PITHD1: variants seen among roughly 807,000 people sequenced by gnomAD.
The protein encoded by PITHD1 is PITH domain-containing protein 1.
PITHD1 carries 8 observed loss-of-function variants against 27.5 expected under a neutral mutation model. The observed-to-expected ratio is 0.29, with a 90% CI of 0.17 to 0.52. The LOEUF is 0.52. Ranked by LOEUF, PITHD1 falls within the 20% of genes least tolerant of loss-of-function variation. PITHD1 has a pLI of 0.96. For synonymous variants in PITHD1, 118 were observed against 106.8 expected (o/e 1.10, Z -0.64); for missense variants, 233 against 283.9 (o/e 0.82, Z 1.29).
At chr1:23,783,319 A>ATATATATACACATATATGTG (rs1557467035) in intron 3 of PITHD1, among the ~76,000 whole-genome samples, 7 of 149,846 alleles carry the variant, frequency 4.7e-5, no homozygotes, top group Non-Finnish European at 7.4e-5. Flanking sequence ...ATATACGCAT[A>ATATATATACACATATATGTG]TATATATACA....
intron 3 of PITHD1, among the ~76,000 whole-genome samples, chr1:23,783,395 A>G (rs1638635717): frequency 1.3e-5 from 1 of 79,052 alleles, no homozygotes; most frequent in Non-Finnish European, 2.4e-5. Context: ...ATATACATAT[A>G]TACGCATATA....
intron 3 of PITHD1, among the ~76,000 whole-genome samples, chr1:23,784,905 G>A (rs1053301464): frequency 2.0e-5 from 3 of 152,278 alleles, no homozygotes; most frequent in African/African-American, 4.8e-5. Flanking sequence ...AGTGTATGGC[G>A]TGGTTTTTGG....
In PITHD1 at chr1:23,787,327, C is replaced by T; in HGVS notation, c.587C>T (p.Ala196Val). Residue 196 changes from alanine to valine, a missense_variant, in exon 6 of 6, where the codon GCA becomes GTA. By Grantham distance (64) the Ala-to-Val change is moderately conservative (BLOSUM62 0). Coordinates refer to ENST00000246151, the MANE Select transcript of PITHD1 (RefSeq NM_020362.5). ...AATTACGAAGCATCTGCCAACCCAG[C>T]AGACCATAGGGTCCATCAGGTTACC... Reference protein sequence around the residue: ...ICNYEASANPADHRVHQVTPQ... With the variant: ...ICNYEASANPVDHRVHQVTPQ... The T allele has an allele frequency of 6.2e-7, 1 of 1,613,450 alleles. No individual in the cohort carries two copies. The highest frequency in any genetic ancestry group is 8.5e-7 in the Non-Finnish European group (1 of 1,179,432).
chr1:23,786,291 T>C (rs777589539), intron 4 of PITHD1, 24 bp from the exon 5 acceptor site: 1 of 1,051,974 alleles, frequency 9.5e-7, no homozygotes. Flanking sequence ...CATACCTTCT[T>C]TCCCTATTCC....
chr1:23,784,753 G>C (rs191554495), intron 3 of PITHD1, among the ~76,000 whole-genome samples: 1 of 152,152 alleles, frequency 6.6e-6, no homozygotes, highest in Non-Finnish European at 1.5e-5. Context: ...GAGTCTCTCT[G>C]TCACCCAGGC....
At chr1:23,784,233 T>C (rs562471957) in intron 3 of PITHD1, among the ~76,000 whole-genome samples, 2 of 132,334 alleles carry the variant, frequency 1.5e-5, no homozygotes, top group Non-Finnish European at 3.2e-5. Context: ...ACATTTGCTT[T>C]CTTTTTTTTT....
At chr1:23,786,286 C>A in intron 4 of PITHD1, 29 bp from the exon 5 acceptor site, 1 of 1,014,056 alleles carries the variant, frequency 9.9e-7, no homozygotes, top group Non-Finnish European at 1.5e-6. Context: ...TAATTCATAC[C>A]TTCTTTCCCT....
intron 5 of PITHD1, among the ~76,000 whole-genome samples, chr1:23,786,957 T>A (rs1638694017): frequency 6.6e-6 from 1 of 152,194 alleles, no homozygotes; most frequent in Non-Finnish European, 1.5e-5. Context: ...GTATTTTTGA[T>A]AATCTTTTCT....
chr1:23,780,370 G>C (rs1217028999), intron 3 of PITHD1, among the ~76,000 whole-genome samples: 1 of 152,130 alleles, frequency 6.6e-6, no homozygotes. Context: ...ACCTGACTTT[G>C]CGTGGCATTT....
intron 4 of PITHD1, 144 bp downstream of exon 4, chr1:23,785,923 A>T (rs763799544): frequency 2.0e-5 from 12 of 595,884 alleles, no homozygotes; most frequent in Non-Finnish European, 3.6e-5. Flanking sequence ...AGTTTTTGGC[A>T]GAGATTCAGT....
chr1:23,787,231 A>G lies in PITHD1; in HGVS notation c.535-44A>G, dbSNP rs765071828. 3.1e-6 allele frequency: 4 copies of G among 1,288,932 alleles called. No individual in the cohort carries two copies. The Admixed American group carries it at 5.0e-5, about 16-fold the overall frequency. 79.8% of individuals were successfully genotyped at this position (1,288,932 alleles called of 1,614,324 possible). On this transcript the variant is annotated intron_variant, in intron 5 of 5. Transcript: ENST00000246151. ...CAATGTGTGTGGTGTGGGAAAGGACAGTTCTTTTAATGGCTGGCTGACCCA... is the reference window on the plus strand; with the variant it reads ...CAATGTGTGTGGTGTGGGAAAGGACGGTTCTTTTAATGGCTGGCTGACCCA...
intron 5 of PITHD1, among the ~76,000 whole-genome samples, chr1:23,787,026 C>G (rs1277161914): frequency 2.0e-5 from 3 of 152,268 alleles, no homozygotes; most frequent in South Asian, 2.1e-4. Context: ...ATGGTACCCC[C>G]ATTATAGTAG....
intron 3 of PITHD1, among the ~76,000 whole-genome samples, chr1:23,781,462 CAAA>C (rs34492133): frequency 7.9e-6 from 1 of 126,374 alleles, no homozygotes; most frequent in Non-Finnish European, 1.7e-5. Context: ...GACTCTGTCT[CAAA>C]AAAAAAAAAA....
At chr1:23,783,430 C>CGTGT (rs35540755) in intron 3 of PITHD1, among the ~76,000 whole-genome samples, 14,489 of 134,384 alleles carry the variant, frequency 0.11, 1,345 homozygotes, top group Admixed American at 0.2. Context: ...CGTATATATA[C>CGTGT]GTGTGTGTGT....
In PITHD1 at chr1:23,778,479, G is replaced by T; in HGVS notation, c.-37G>T. 1 of 1,319,212 alleles carries T rather than the reference G, an allele frequency of 7.6e-7. No individual in the cohort carries two copies. Among genetic ancestry groups the T allele is most frequent in the East Asian group, 3.1e-5 (1 of 32,178 alleles). The allele number at this position is 1,319,212 out of a possible 1,614,324, so 81.7% of individuals were successfully genotyped here. ...GCGAGCCGAGCCGAGCGAGCGCGGC[G>T]GTGGGGCCGAGAGGACGCGCAGGTG... On this transcript the variant is annotated 5_prime_UTR_variant, in exon 1 of 6. Transcript: ENST00000246151.
intron 3 of PITHD1, among the ~76,000 whole-genome samples, chr1:23,781,460 C>CT (rs1638600538): frequency 1.1e-5 from 1 of 88,620 alleles, no homozygotes; most frequent in Non-Finnish European, 2.2e-5. Context: ...GAGACTCTGT[C>CT]TCAAAAAAAA....
Position 23,785,774 on chromosome 1 carries a change from T to C in PITHD1, c.420T>C (p.Ala140=). The C allele has an allele frequency of 6.3e-7, 1 of 1,576,782 alleles. No homozygotes were observed. Among genetic ancestry groups the C allele is most frequent in the South Asian group, 1.1e-5 (1 of 90,380 alleles). The change falls in exon 4 of 6, where the codon GCT becomes GCC. Residue 140 remains alanine (A), a synonymous_variant. Coordinates refer to ENST00000246151, the MANE Select transcript of PITHD1 (RefSeq NM_020362.5). The stretch of plus-strand genomic sequence containing the variant: ...ATCTTACAGGAGAATTAGAGTATGC[T>C]ACAAAGTAAGCACTGGGCCTGTCTT... ...NRDLTGELEY[A]TKISRFSNVY... is the part of the protein sequence containing the mutation.
At chr1:23,781,216 A>C (rs1443262740) in intron 3 of PITHD1, among the ~76,000 whole-genome samples, 1 of 152,034 alleles carries the variant, frequency 6.6e-6, no homozygotes, top group East Asian at 1.9e-4. Context: ...AAATCCCAGC[A>C]CTTTGGGAGG....
Position 23,787,917 on chromosome 1 carries a change from A to G in PITHD1, c.*541A>G, listed in dbSNP as rs1638710042. 6.6e-6 allele frequency: 1 copy of G among 152,570 alleles called. No individual in the cohort carries two copies. The highest frequency in any genetic ancestry group is 6.5e-5 in the Admixed American group (1 of 15,304). 9.5% of individuals were successfully genotyped at this position (152,570 alleles called of 1,614,324 possible). The stretch of plus-strand genomic sequence containing the variant: ...CAGCTTGGAGTTGTCTGTCACGCAC[A>G]TGTGTCCTGTGGTTATAGCTAGAAG... On this transcript the variant is annotated 3_prime_UTR_variant, in exon 6 of 6. Transcript: ENST00000246151.
Sources: gnomAD v4.1 joint callset for allele counts (sites outside exome capture counted in the v4.1 genomes callset) on GRCh38, gnomAD v4.1.1 for gene constraint, MANE v1.5 for transcripts, NCBI Gene and HGNC (gene_info 2026-07-23, HGNC 2026-07-21) for gene names.